Variants in TANC2 observed in about 807,000 individuals in gnomAD.
The protein encoded by TANC2 is protein TANC2.
TANC2 carries 26 observed loss-of-function variants against 210.5 expected under a neutral mutation model. The observed-to-expected ratio is 0.12, with a 90% confidence interval of 0.09 to 0.17. The LOEUF (loss-of-function observed/expected upper bound fraction) is 0.17, where lower values mean the gene tolerates loss of function less well. TANC2 is among the 10% of genes least tolerant of loss of function. The pLI, the probability that TANC2 is intolerant of heterozygous loss-of-function variation, is 1.00. For missense variants in TANC2, 2,129 were observed against 2,608.9 expected, an observed-to-expected ratio of 0.82 and a Z score of 4.01; for synonymous variants, 931 against 967.1, an observed-to-expected ratio of 0.96 and a Z score of 0.69.
intron 5 of TANC2, chr17:63,153,107 G>A (rs1226306741): frequency 6.6e-6 from 1 of 152,070 alleles, no homozygotes; most frequent in African/African-American, 2.4e-5. Flanking sequence ...TTTCTACCAA[G>A]ATAAGAATGG....
intron 13 of TANC2, among the ~76,000 whole-genome samples, chr17:63,353,516 G>A (rs902558729): frequency 1.3e-5 from 2 of 152,128 alleles, no homozygotes; most frequent in East Asian, 3.9e-4. Flanking sequence ...GATATAAGAT[G>A]GGACTCAGGG....
intron 6 of TANC2, among the ~76,000 whole-genome samples, chr17:63,195,471 G>A (rs566403921): frequency 2.0e-5 from 3 of 152,068 alleles, no homozygotes; most frequent in East Asian, 1.9e-4. Flanking sequence ...TACTCAATCT[G>A]ATCCCTTCTC....
At chr17:63,207,877 T>A (rs1012109059) in intron 7 of TANC2, among the ~76,000 whole-genome samples, 6 of 152,230 alleles carry the variant, frequency 3.9e-5, no homozygotes, top group Admixed American at 3.9e-4. Flanking sequence ...TTGCTATAGA[T>A]CTTTCCCATG....
At chr17:63,307,459 G>A (rs1347186715) in intron 9 of TANC2, among the ~76,000 whole-genome samples, 2 of 152,082 alleles carry the variant, frequency 1.3e-5, no homozygotes, top group Non-Finnish European at 2.9e-5. Flanking sequence ...ATAATTATCA[G>A]CTAACTTGTC....
At chr17:63,361,007 T>C (rs976562268) in intron 14 of TANC2, among the ~76,000 whole-genome samples, 1 of 152,250 alleles carries the variant, frequency 6.6e-6, no homozygotes, top group Non-Finnish European at 1.5e-5. Flanking sequence ...AATACTCCGT[T>C]GTGTATATGC....
In TANC2 at chr17:63,281,429, A is replaced by G. The variant is rs750888580; in HGVS notation, c.1159+13556A>G. Among the ~76,000 whole-genome samples the G allele has an allele frequency of 1.4e-3, 210 of 152,250 alleles. 1 individual carries two copies. The highest frequency in any genetic ancestry group is 5.7e-4 in the Non-Finnish European group (39 of 67,994). On this transcript the variant is annotated intron_variant, in intron 9 of 27. Transcript: ENST00000689528. Reference sequence around the variant, plus strand: ...GATCCTTGGCTGACTACTGAACCATATATGTATAGAAGAAATCCTAATAAG... The same window carrying G: ...GATCCTTGGCTGACTACTGAACCATGTATGTATAGAAGAAATCCTAATAAG...
At chr17:63,016,802 AT>A (rs1445076932) in intron 2 of TANC2, among the ~76,000 whole-genome samples, 1 of 151,950 alleles carries the variant, frequency 6.6e-6, no homozygotes, top group Non-Finnish European at 1.5e-5. Flanking sequence ...TTCCCTAATG[AT>A]TAGTGATATT....
chr17:63,273,308 T>C (rs76454769), intron 9 of TANC2, among the ~76,000 whole-genome samples: 3,203 of 152,132 alleles, frequency 0.021, 102 homozygotes, highest in African/African-American at 0.072. Flanking sequence ...TAAAAAATTA[T>C]TGAGCTTATA....
At chr17:63,306,657 A>G (rs1002950878) in intron 9 of TANC2, among the ~76,000 whole-genome samples, 2 of 152,252 alleles carry the variant, frequency 1.3e-5, no homozygotes, top group Non-Finnish European at 2.9e-5. Flanking sequence ...CCCTCTGGCT[A>G]AAAGAAAATT....
chr17:63,357,569 T>C (rs1056449807), intron 14 of TANC2, among the ~76,000 whole-genome samples: 3 of 152,166 alleles, frequency 2.0e-5, no homozygotes, highest in African/African-American at 7.2e-5. Context: ...GACCAGGAGT[T>C]ATCAAAAAAA....
intron 9 of TANC2, among the ~76,000 whole-genome samples, chr17:63,291,492 C>CTG (rs1405383307): frequency 6.6e-6 from 1 of 152,148 alleles, no homozygotes; most frequent in African/African-American, 2.4e-5. Context: ...CTGACAAGAA[C>CTG]TGTAGTAACA....
At position 63,421,895 on chromosome 17, in the gene TANC2, T is replaced by G. The variant is rs1414188223; in HGVS notation, c.6165T>G (p.Ser2055=). The stretch of plus-strand genomic sequence containing the variant: ...TGTACAGGCAGCTGTCCCGAGACTC[T>G]CGGCAAGGGCAGACATCCCCTATCA... The change falls in exon 28 of 28, where the codon TCT becomes TCG. Residue 2055 remains serine (S), a synonymous_variant. Coordinates refer to ENST00000689528, the Ensembl canonical transcript of TANC2. This position sits in a 1 kb window ranked among gnomAD's most constrained non-coding sequence, Gnocchi z 6.9. 9.9e-6 allele frequency: 16 copies of G among 1,613,998 alleles called. No homozygotes were observed. Among genetic ancestry groups the G allele is most frequent in the Non-Finnish European group, 1.2e-5 (14 of 1,179,886 alleles).
At chr17:63,185,177 T>G (rs2040937638) in intron 5 of TANC2, among the ~76,000 whole-genome samples, 1 of 151,830 alleles carries the variant, frequency 6.6e-6, no homozygotes, top group Non-Finnish European at 1.5e-5. Flanking sequence ...TAAAAAAATG[T>G]TTTTTTGGAG....
intron 2 of TANC2, among the ~76,000 whole-genome samples, chr17:63,042,071 T>G (rs1441841530): frequency 2.0e-5 from 3 of 152,198 alleles, no homozygotes; most frequent in Admixed American, 6.5e-5. Context: ...CTAGATAGTC[T>G]GCTGGAATAT....
chr17:63,347,612 T>G (rs2146848659), intron 12 of TANC2, among the ~76,000 whole-genome samples: 1 of 152,322 alleles, frequency 6.6e-6, no homozygotes, highest in Non-Finnish European at 1.5e-5. Flanking sequence ...GAAAAATGAG[T>G]CAGTATTTTT....
At chr17:63,090,067 T>C (rs1359174606) in intron 3 of TANC2, among the ~76,000 whole-genome samples, 1 of 152,150 alleles carries the variant, frequency 6.6e-6, no homozygotes, top group Non-Finnish European at 1.5e-5. Flanking sequence ...AGTTCCCTCA[T>C]GCCCCCTTGT....
intron 9 of TANC2, among the ~76,000 whole-genome samples, chr17:63,293,576 AT>A (rs1342795398): frequency 1.3e-5 from 2 of 152,102 alleles, no homozygotes; most frequent in Non-Finnish European, 2.9e-5. Flanking sequence ...ATAAATATGC[AT>A]TAGTCAAGAT....
chr17:63,019,620 G>T (rs1333159304), intron 2 of TANC2, among the ~76,000 whole-genome samples: 3 of 152,124 alleles, frequency 2.0e-5, no homozygotes, highest in African/African-American at 4.8e-5. Flanking sequence ...GTGTGGTTTT[G>T]TTACATACCT....
intron 4 of TANC2, among the ~76,000 whole-genome samples, chr17:63,118,452 C>G (rs1230607433): frequency 6.6e-6 from 1 of 152,098 alleles, no homozygotes; most frequent in Non-Finnish European, 1.5e-5. Context: ...ATTATTTTCT[C>G]TTTTTAGTTC....
Sources: allele counts gnomAD v4.1 joint callset (sites outside exome capture counted in the v4.1 genomes callset), GRCh38; gene constraint gnomAD v4.1.1; non-coding constraint Gnocchi (gnomAD v3.1); transcripts MANE v1.5; gene names NCBI Gene and HGNC (gene_info 2026-07-23, HGNC 2026-07-21).